COL24A1: variants seen among roughly 807,000 people sequenced by gnomAD.
COL24A1 encodes collagen type XXIV alpha 1 chain, also known as collagen alpha-1(XXIV) chain.
Under a neutral mutation model 253.9 loss-of-function variants are expected in COL24A1, and 224 were observed. That is an observed-to-expected ratio of 0.88 (90% CI 0.79 to 0.99). The LOEUF (loss-of-function observed/expected upper bound fraction) is 0.99. Ranked by LOEUF, COL24A1 falls within the 50% of genes least tolerant of loss-of-function variation. The pLI, the probability that COL24A1 is intolerant of heterozygous loss-of-function variation, is 0.00. For synonymous variants in COL24A1, 685 were observed against 673.7 expected (o/e 1.02, Z -0.26); for missense variants, 2,131 against 2,068.5 (o/e 1.03, Z -0.59).
At chr1:85,949,563 TAGTCCTTG>T (rs1387240534) in intron 24 of COL24A1, among the ~76,000 whole-genome samples, 3 of 152,168 alleles carry the variant, frequency 2.0e-5, no homozygotes, top group Admixed American at 2.0e-4. Context: ...ATATAAGATA[TAGTCCTTG>T]AGTTTATGGA....
intron 20 of COL24A1, among the ~76,000 whole-genome samples, chr1:85,984,409 T>A (rs1011527337): frequency 6.6e-6 from 1 of 151,840 alleles, no homozygotes; most frequent in Admixed American, 6.6e-5. Context: ...TTAATTATGA[T>A]TATTTTTTAT....
At chr1:85,851,902 T>C (rs1677811234) in intron 37 of COL24A1, among the ~76,000 whole-genome samples, 1 of 152,220 alleles carries the variant, frequency 6.6e-6, no homozygotes, top group Non-Finnish European at 1.5e-5. Context: ...TAACACAAGT[T>C]TGCAATTTTA....
At position 85,885,397 on chromosome 1, in the gene COL24A1, A is replaced by ATATATATATTTTTTT. The variant is rs60994639; in HGVS notation, c.2976+4162_2976+4163insAAAAAAATATATATA. ...TGTGTGTATATATATATATATATATATTTTTTTTTTAAGTAGAAACTAAAT... is the reference window on the plus strand; with the variant it reads ...TGTGTGTATATATATATATATATATATATATATATTTTTTTTTTTTTTTTTAAGTAGAAACTAAAT... On this transcript the variant is annotated intron_variant, in intron 32 of 59. Transcript: ENST00000370571. Among the ~76,000 whole-genome samples the ATATATATATTTTTTT allele has an allele frequency of 1.6e-4, 20 of 128,906 alleles. 1 individual carries two copies. Among genetic ancestry groups the ATATATATATTTTTTT allele is most frequent in the African/African-American group, 3.2e-4 (11 of 34,342 alleles). 84.6% of individuals were successfully genotyped at this position (128,906 alleles called of 152,430 possible). A position where few individuals can be genotyped will look rare whatever the true frequency, so the allele number is the denominator to read the frequency against.
chr1:85,792,631 C>T (rs1273131853), intron 47 of COL24A1, among the ~76,000 whole-genome samples: 1 of 151,658 alleles, frequency 6.6e-6, no homozygotes, highest in Non-Finnish European at 1.5e-5. Flanking sequence ...TCGCTTGAGC[C>T]CAAGAGTTCA....
At chr1:86,084,071 G>C (rs1702872825) in intron 7 of COL24A1, among the ~76,000 whole-genome samples, 1 of 152,086 alleles carries the variant, frequency 6.6e-6, no homozygotes, top group Non-Finnish European at 1.5e-5. Context: ...CCAATGCATT[G>C]AGGAATACAA....
At chr1:85,934,665 G>A (rs1051923251) in intron 24 of COL24A1, among the ~76,000 whole-genome samples, 5 of 152,180 alleles carry the variant, frequency 3.3e-5, no homozygotes, top group African/African-American at 4.8e-5. Context: ...ACAGGAATGA[G>A]CAATCTATGG....
intron 43 of COL24A1, among the ~76,000 whole-genome samples, chr1:85,826,054 T>G (rs1388028423): frequency 2.2e-5 from 3 of 136,706 alleles, no homozygotes; most frequent in Non-Finnish European, 4.8e-5. Context: ...TTTTATGGTT[T>G]TAGGTCTAAC....
At chr1:85,825,381 C>T (rs1188047513) in intron 43 of COL24A1, among the ~76,000 whole-genome samples, 11 of 152,120 alleles carry the variant, frequency 7.2e-5, no homozygotes, top group East Asian at 3.9e-4. Context: ...CCGCAATAAA[C>T]GTACCTGTGC....
rs1323413006 is a variant in COL24A1, at chr1:86,124,970, C to T, written c.1366G>A (p.Asp456Asn). The T allele has an allele frequency of 1.2e-6, 2 of 1,613,146 alleles. No homozygotes were observed. Among genetic ancestry groups the T allele is most frequent in the South Asian group, 2.2e-5 (2 of 91,016 alleles). The change falls in exon 3 of 60, where the codon GAT (aspartate) becomes AAT (asparagine). Residue 456 changes from aspartate (D) to asparagine (N), a missense_variant. Coordinates refer to ENST00000370571, the MANE Select transcript of COL24A1 (RefSeq NM_152890.7). Reference sequence around the variant, plus strand: ...CTATTTTCGATGGGATAAGTAGCATCAGGATAAAATTCACCTTCTTTCCTT... The same window carrying T: ...CTATTTTCGATGGGATAAGTAGCATTAGGATAAAATTCACCTTCTTTCCTT... Reference protein sequence around the residue: ...DLRKEGEFYPDATYPIENSYE... With the variant: ...DLRKEGEFYPNATYPIENSYE...
chr1:86,046,701 T>C (rs1699928394), intron 12 of COL24A1, 124 bp downstream of exon 12: 4 of 1,141,812 alleles, frequency 3.5e-6, no homozygotes, highest in Non-Finnish European at 5.1e-6. Context: ...GAGGCAAAAA[T>C]TAAAATGGAA....
At chr1:86,002,526 T>A (rs1558966213) in intron 19 of COL24A1, among the ~76,000 whole-genome samples, 1 of 152,178 alleles carries the variant, frequency 6.6e-6, no homozygotes, top group Non-Finnish European at 1.5e-5. Flanking sequence ...TCACTTACAG[T>A]TTTCCTGTGT....
intron 47 of COL24A1, among the ~76,000 whole-genome samples, chr1:85,805,786 T>C (rs1671893713): frequency 6.6e-6 from 1 of 152,098 alleles, no homozygotes. Context: ...TAGAAAATGA[T>C]AGAAATAGGC....
intron 47 of COL24A1, among the ~76,000 whole-genome samples, chr1:85,809,089 T>C (rs553904175): frequency 6.6e-6 from 1 of 152,296 alleles, no homozygotes; most frequent in Admixed American, 6.5e-5. Flanking sequence ...TGTTCTACAA[T>C]AGTGATGTTA....
intron 43 of COL24A1, among the ~76,000 whole-genome samples, chr1:85,835,729 T>G (rs1675926352): frequency 6.6e-6 from 1 of 152,160 alleles, no homozygotes; most frequent in African/African-American, 2.4e-5. Flanking sequence ...GAAAAAGGTT[T>G]CCAGGGGCTT....
chr1:86,049,766 A>G (rs1700169101), intron 11 of COL24A1, among the ~76,000 whole-genome samples: 1 of 152,110 alleles, frequency 6.6e-6, no homozygotes, highest in Admixed American at 6.6e-5. Context: ...TCTTTACTGT[A>G]TATTGCTCTC....
At chr1:86,014,757 C>T (rs80261525) in intron 19 of COL24A1, among the ~76,000 whole-genome samples, 9,632 of 152,078 alleles carry the variant, frequency 0.063, 394 homozygotes, top group Middle Eastern at 0.12. Flanking sequence ...TTTTCTAGTT[C>T]TCTCTTTAAG....
intron 46 of COL24A1, among the ~76,000 whole-genome samples, chr1:85,817,653 G>A (rs1673178074): frequency 6.6e-6 from 1 of 151,908 alleles, no homozygotes; most frequent in Non-Finnish European, 1.5e-5. Flanking sequence ...GAGAATGAGA[G>A]GCTGAGTCCT....
chr1:85,927,361 G>A (rs1687412538), intron 24 of COL24A1, among the ~76,000 whole-genome samples: 1 of 151,546 alleles, frequency 6.6e-6, no homozygotes, highest in South Asian at 2.1e-4. Flanking sequence ...CCCGAATATT[G>A]CGCTTTTCAG....
At chr1:86,142,354 T>G (rs2102395004) in intron 2 of COL24A1, among the ~76,000 whole-genome samples, 1 of 151,572 alleles carries the variant, frequency 6.6e-6, no homozygotes, top group East Asian at 2.0e-4. Flanking sequence ...AAACCCTGTC[T>G]CTACTAAAAA....
Sources: gnomAD v4.1 joint callset for allele counts (sites outside exome capture counted in the v4.1 genomes callset) on GRCh38, gnomAD v4.1.1 for gene constraint, MANE v1.5 for transcripts, NCBI Gene and HGNC (gene_info 2026-07-23, HGNC 2026-07-21) for gene names.